NAA60: variants seen among roughly 807,000 people sequenced by gnomAD.
NAA60 encodes N-alpha-acetyltransferase 60.
A neutral mutation model predicts 26.1 loss-of-function variants in NAA60; 8 were observed. That is an observed-to-expected ratio of 0.31 (90% CI 0.18 to 0.55). The LOEUF is 0.55. Ranked by LOEUF, NAA60 falls within the 20% of genes least tolerant of loss-of-function variation. The pLI is 0.93. For synonymous variants in NAA60, 131 were observed against 122.5 expected (o/e 1.07, Z -0.46); for missense variants, 290 against 311.3 (o/e 0.93, Z 0.51).
chr16:3,450,613 T>C (rs1255096567), intron 2 of NAA60, among the ~76,000 whole-genome samples: 1 of 141,872 alleles, frequency 7.0e-6, no homozygotes, highest in Non-Finnish European at 1.5e-5. Flanking sequence ...GGCAGGAGAA[T>C]GGTGTGAACC....
chr16:3,445,599 C>T (rs2034521022), intron 1 of NAA60, among the ~76,000 whole-genome samples: 1 of 152,042 alleles, frequency 6.6e-6, no homozygotes. Flanking sequence ...CTTACATCAG[C>T]ACTGTCTCAT....
In NAA60 at chr16:3,455,847, C is replaced by T. The variant is rs555997887; in HGVS notation, c.-7+7307C>T. The stretch of plus-strand genomic sequence containing the variant: ...CTCAGCCTTTTAGTAGCTGGGATTA[C>T]AGGCACGCACCACTATGCCCAGCTA... On this transcript the variant is annotated intron_variant, in intron 2 of 7. Transcript: ENST00000407558. 2.3e-4 allele frequency among the ~76,000 whole-genome samples: 35 copies of T among 152,044 alleles called. No individual in the cohort carries two copies. The South Asian group carries it at 7.1e-3, about 31-fold the overall frequency.
chr16:3,452,057 TA>T (rs1367768232), intron 2 of NAA60, among the ~76,000 whole-genome samples: 1 of 149,320 alleles, frequency 6.7e-6, no homozygotes, highest in African/African-American at 2.5e-5. Context: ...CTACAAAAAA[TA>T]AAAAATTAGC....
chr16:3,444,513 C>T (rs183804329), intron 1 of NAA60, among the ~76,000 whole-genome samples: 1 of 152,154 alleles, frequency 6.6e-6, no homozygotes, highest in African/African-American at 2.4e-5. Flanking sequence ...CAACATATTT[C>T]CTTATTCCAG....
intron 2 of NAA60, among the ~76,000 whole-genome samples, chr16:3,470,817 C>T (rs1477959068): frequency 6.6e-6 from 1 of 152,244 alleles, no homozygotes; most frequent in African/African-American, 2.4e-5. Context: ...TGCTCTTTGA[C>T]CCCATCTCTT....
chr16:3,463,942 C>T (rs962703358), intron 2 of NAA60, among the ~76,000 whole-genome samples: 23 of 152,310 alleles, frequency 1.5e-4, no homozygotes, highest in African/African-American at 5.1e-4. Context: ...AAAAAAGATC[C>T]AGTAATACAG....
chr16:3,455,386 GTT>G (rs35501650), intron 2 of NAA60, among the ~76,000 whole-genome samples: 5,936 of 101,682 alleles, frequency 0.058, 78 homozygotes, highest in Middle Eastern at 0.082. Flanking sequence ...AGAGTTTTTA[GTT>G]TTTTTTTTTT....
At chr16:3,471,197 A>G (rs1026174326) in intron 2 of NAA60, among the ~76,000 whole-genome samples, 2 of 152,114 alleles carry the variant, frequency 1.3e-5, no homozygotes, top group African/African-American at 4.8e-5. Flanking sequence ...GATTTGTGAA[A>G]ATCTTTAAAA....
intron 7 of NAA60, 32 bp downstream of exon 7, chr16:3,485,093 C>A: frequency 7.8e-7 from 1 of 1,284,694 alleles, no homozygotes. Context: ...GGTATGGGAG[C>A]TTGGTGCCTC....
chr16:3,443,909 G>T, intron 1 of NAA60, 72 bp downstream of exon 1: 1 of 1,476,500 alleles, frequency 6.8e-7, no homozygotes, highest in Non-Finnish European at 9.0e-7. Flanking sequence ...TGAGAGGGCG[G>T]GGGTTCGGGC....
At position 3,448,517 on chromosome 16, in the gene NAA60, G is replaced by C. The variant is rs1455527167; in HGVS notation, c.-30G>C. 9 of 1,535,528 alleles carry C rather than the reference G, an allele frequency of 5.9e-6. No homozygotes were observed. The highest frequency in any genetic ancestry group is 1.4e-5 in the African/African-American group (1 of 73,032). On this transcript the variant is annotated 5_prime_UTR_variant, in exon 2 of 8. Transcript: ENST00000407558. ...GAGGAAGGAAGTGCGGAGCCAGCCTGAGTTGGGAGAAGAGCTCCAGAGAGT... is the reference window on the plus strand; with the variant it reads ...GAGGAAGGAAGTGCGGAGCCAGCCTCAGTTGGGAGAAGAGCTCCAGAGAGT...
At chr16:3,469,126 C>T (rs12446248) in intron 2 of NAA60, among the ~76,000 whole-genome samples, 9,280 of 152,122 alleles carry the variant, frequency 0.061, 378 homozygotes, top group Admixed American at 0.084. Flanking sequence ...CGCATTCTCC[C>T]GTGCAATACT....
At chr16:3,443,945 G>T in intron 1 of NAA60, 108 bp downstream of exon 1, 6 of 1,415,382 alleles carry the variant, frequency 4.2e-6, no homozygotes, top group African/African-American at 1.4e-5. Flanking sequence ...GCTGTCCTTT[G>T]TGTCTTGAGC....
chr16:3,475,452 C>T (rs1016254864), intron 2 of NAA60, among the ~76,000 whole-genome samples: 2 of 152,116 alleles, frequency 1.3e-5, no homozygotes, highest in African/African-American at 4.8e-5. Context: ...TTTTCCCCTT[C>T]TCGGTGCCCA....
chr16:3,479,420 T>C (rs2036686982), intron 3 of NAA60, 51 bp from the exon 4 acceptor site: 2 of 1,601,094 alleles, frequency 1.2e-6, no homozygotes, highest in African/African-American at 1.3e-5. Context: ...AGCACGACCA[T>C]AGTTGGACTT....
At chr16:3,479,345 C>G in intron 3 of NAA60, 126 bp from the exon 4 acceptor site, 2 of 925,316 alleles carry the variant, frequency 2.2e-6, no homozygotes, top group Non-Finnish European at 3.3e-6. Context: ...GATGGGCACA[C>G]TCCTCGGCAG....
intron 2 of NAA60, among the ~76,000 whole-genome samples, chr16:3,449,257 G>A (rs563409936): frequency 3.3e-5 from 5 of 151,984 alleles, no homozygotes; most frequent in South Asian, 4.2e-4. Context: ...GGTGGCTCAC[G>A]TCTGTAATCC....
At chr16:3,446,568 G>A (rs1466292471) in intron 1 of NAA60, among the ~76,000 whole-genome samples, 8 of 148,796 alleles carry the variant, frequency 5.4e-5, no homozygotes, top group Non-Finnish European at 1.2e-4. Context: ...GGAAAAAATG[G>A]CAACACATTC....
Position 3,484,834 on chromosome 16 carries a change from C to T in NAA60, c.708C>T (p.Ile236=), listed in dbSNP as rs558478803. 1.9e-6 allele frequency: 3 copies of T among 1,564,544 alleles called. No homozygotes were observed. Among genetic ancestry groups the T allele is most frequent in the African/African-American group, 1.4e-5 (1 of 73,512 alleles). The change falls in exon 7 of 8, where the codon ATC becomes ATT. Residue 236 remains isoleucine, a synonymous_variant. Transcript: ENST00000407558. ...PWSGISSKSG[I]EYSRTM is the part of the protein sequence containing the mutation. ...CGGGCATCTCTTCCAAGAGTGGCAT[C>T]GAGTACAGCCGGACCATGTGATGTC...
Sources: allele counts gnomAD v4.1 joint callset (sites outside exome capture counted in the v4.1 genomes callset), GRCh38; gene constraint gnomAD v4.1.1; transcripts MANE v1.5; gene names NCBI Gene and HGNC (gene_info 2026-07-23, HGNC 2026-07-21).